Variants in AP4E1 observed in about 807,000 individuals in gnomAD.
AP4E1 encodes AP-4 complex subunit epsilon-1.
A neutral mutation model predicts 128.2 loss-of-function variants in AP4E1; 56 were observed. The observed-to-expected ratio is 0.44, with a 90% confidence interval of 0.35 to 0.55. The LOEUF (loss-of-function observed/expected upper bound fraction) is 0.55. Among genes scored for constraint, AP4E1 ranks in the 20% least tolerant of loss-of-function variants. AP4E1 has a pLI of 0.00. For missense variants in AP4E1, 1,324 were observed against 1,307.7 expected (o/e 1.01, Z -0.19); for synonymous variants, 484 against 473.1 (o/e 1.02, Z -0.30).
intron 16 of AP4E1, among the ~76,000 whole-genome samples, chr15:50,987,024 G>A (rs1454963901): frequency 6.6e-6 from 1 of 152,116 alleles, no homozygotes; most frequent in South Asian, 2.1e-4. Context: ...ACTTCTTCCT[G>A]GTTTAGCCTT....
intron 16 of AP4E1, among the ~76,000 whole-genome samples, chr15:50,987,313 T>C (rs540590970): frequency 4.6e-5 from 7 of 152,334 alleles, no homozygotes; most frequent in African/African-American, 1.7e-4. Flanking sequence ...TCAGCTCTGC[T>C]CTGATCTTAG....
intron 4 of AP4E1, 137 bp from the exon 5 acceptor site, chr15:50,924,961 T>C (rs961918265): frequency 9.7e-7 from 1 of 1,035,770 alleles, no homozygotes; most frequent in Non-Finnish European, 1.4e-6. Context: ...CAATAAAATA[T>C]GCCATAAGTT....
intron 13 of AP4E1, among the ~76,000 whole-genome samples, chr15:50,956,087 G>C (rs1228666899): frequency 6.6e-6 from 1 of 152,184 alleles, no homozygotes; most frequent in Non-Finnish European, 1.5e-5. Context: ...ATAATGTGCT[G>C]TATGTTTTAT....
Position 50,993,637 on chromosome 15 carries a change from G to A in AP4E1, c.2346+12G>A. ...GTACAATCAACCTGGTAAGTAATCG[G>A]TTCTATTCCTGTAAGAATCTTTGTC... On this transcript the variant is annotated intron_variant, in intron 17 of 20. Transcript: ENST00000261842. 6.2e-7 allele frequency: 1 copy of A among 1,613,678 alleles called. No homozygotes were observed. The highest frequency in any genetic ancestry group is 1.1e-5 in the South Asian group (1 of 91,056).
chr15:50,949,163 C>T (rs1435932817), intron 11 of AP4E1, among the ~76,000 whole-genome samples: 1 of 151,800 alleles, frequency 6.6e-6, no homozygotes, highest in Non-Finnish European at 1.5e-5. Context: ...GTAATCACAG[C>T]ACTTTGGGAG....
Position 51,002,824 on chromosome 15 carries a change from A to C in AP4E1, c.*162A>C, listed in dbSNP as rs2140941510. 1 of 892,176 alleles carries C rather than the reference A, an allele frequency of 1.1e-6. No homozygotes were observed. The highest frequency in any genetic ancestry group is 1.7e-5 in the African/African-American group (1 of 60,276). The allele number at this position is 892,176 out of a possible 1,614,324, so 55.3% of individuals were successfully genotyped here. A position where few individuals can be genotyped will look rare whatever the true frequency, so the allele number is the denominator to read the frequency against. ...TGATTCCTGGTCAAGAAAGATCCCC[A>C]AAACTGTATCCCTAACCTTTAACTC... On this transcript the variant is annotated 3_prime_UTR_variant, in exon 21 of 21. Coordinates refer to ENST00000261842, the MANE Select transcript of AP4E1 (RefSeq NM_007347.5).
At chr15:50,979,864 A>G (rs1295474307) in intron 15 of AP4E1, among the ~76,000 whole-genome samples, 2 of 152,228 alleles carry the variant, frequency 1.3e-5, no homozygotes, top group Non-Finnish European at 2.9e-5. Flanking sequence ...TTATAGCAAC[A>G]TAAAATGGAC....
Position 50,915,570 on chromosome 15 carries a change from A to G in AP4E1, c.345A>G (p.Val115=). The G allele has an allele frequency of 2.5e-6, 4 of 1,613,542 alleles. No individual in the cohort carries two copies. The highest frequency in any genetic ancestry group is 3.4e-6 in the Non-Finnish European group (4 of 1,179,678). ...AAGGAAACCTCTTAGAAAAAAGAGT[A>G]GGTATGTATGTGTTTTAAGACTTTG... is the stretch of plus-strand genomic sequence containing the variant. ...AQQGNLLEKR[V]GYLAVSLFLH... The change falls in exon 3 of 21, where the codon GTA becomes GTG. Residue 115 remains valine, a splice_region_variant and synonymous_variant. Transcript: ENST00000261842.
At chr15:50,924,664 A>G (rs1191104240) in intron 4 of AP4E1, among the ~76,000 whole-genome samples, 1 of 152,192 alleles carries the variant, frequency 6.6e-6, no homozygotes, top group Non-Finnish European at 1.5e-5. Flanking sequence ...CTATTAGAAT[A>G]GTTTTATAGA....
At chr15:51,000,965 T>G in intron 19 of AP4E1, 61 bp from the exon 20 acceptor site, 1 of 1,293,108 alleles carries the variant, frequency 7.7e-7, no homozygotes, top group Non-Finnish European at 1.1e-6. Flanking sequence ...CATTTGAAAT[T>G]TGTTGTTTAG....
intron 3 of AP4E1, among the ~76,000 whole-genome samples, chr15:50,920,532 G>A (rs1399987421): frequency 6.7e-6 from 1 of 150,282 alleles, no homozygotes; most frequent in African/African-American, 2.5e-5. Flanking sequence ...TAAGCCTCTC[G>A]AGTAGCTGAG....
At chr15:50,948,202 T>C (rs1596476516) in intron 11 of AP4E1, 43 bp downstream of exon 11, 1 of 938,258 alleles carries the variant, frequency 1.1e-6, no homozygotes. Context: ...TAGTTAGTTA[T>C]GCAGTGACTT....
chr15:50,950,307 T>G, intron 13 of AP4E1, 138 bp downstream of exon 13: 1 of 615,990 alleles, frequency 1.6e-6, no homozygotes, highest in Non-Finnish European at 2.8e-6. Flanking sequence ...CCACCATCTA[T>G]CACTTAACTA....
intron 16 of AP4E1, among the ~76,000 whole-genome samples, chr15:50,990,601 G>T (rs2140924776): frequency 6.6e-6 from 1 of 152,076 alleles, no homozygotes; most frequent in East Asian, 1.9e-4. Context: ...GGCCAGGCTG[G>T]TTTTGAACTC....
intron 13 of AP4E1, among the ~76,000 whole-genome samples, chr15:50,954,429 T>G (rs1164319312): frequency 6.6e-6 from 1 of 152,252 alleles, no homozygotes; most frequent in Non-Finnish European, 1.5e-5. Flanking sequence ...AAGAAAAATC[T>G]CAACTGAATT....
chr15:50,998,917 A>T (rs2064918992), intron 18 of AP4E1, among the ~76,000 whole-genome samples, 155 bp from the exon 19 acceptor site: 1 of 152,204 alleles, frequency 6.6e-6, no homozygotes, highest in African/African-American at 2.4e-5. Context: ...ATTTTTCTCA[A>T]GTGAAGTTGC....
intron 20 of AP4E1, 24 bp downstream of exon 20, chr15:51,001,207 A>G: frequency 6.2e-7 from 1 of 1,605,648 alleles, no homozygotes; most frequent in Non-Finnish European, 8.5e-7. Flanking sequence ...TAAAAAGGCT[A>G]TTCTGTGTTT....
At chr15:50,983,943 T>C (rs1031158728) in intron 15 of AP4E1, 79 bp from the exon 16 acceptor site, 59 of 1,444,454 alleles carry the variant, frequency 4.1e-5, no homozygotes, top group South Asian at 3.1e-4. Context: ...GCTTGAATTA[T>C]TGTGGTAGTG....
chr15:50,942,634 GTTAC>G (rs978831395), intron 10 of AP4E1, among the ~76,000 whole-genome samples: 5 of 148,224 alleles, frequency 3.4e-5, no homozygotes, highest in East Asian at 1.9e-4. Flanking sequence ...TATACTATAT[GTTAC>G]TTATATATAA....
Sources: allele counts gnomAD v4.1 joint callset (sites outside exome capture counted in the v4.1 genomes callset), GRCh38; gene constraint gnomAD v4.1.1; transcripts MANE v1.5; gene names NCBI Gene and HGNC (gene_info 2026-07-23, HGNC 2026-07-21).